Variants in FER1L5 observed in about 807,000 individuals in gnomAD.
FER1L5 encodes fer-1 like family member 5, also known as fer-1-like protein 5.
Under a neutral mutation model 279.9 loss-of-function variants are expected in FER1L5, and 187 were observed. The observed-to-expected ratio is 0.67, with a 90% CI of 0.59 to 0.75. The LOEUF is 0.75. Ranked by LOEUF, FER1L5 falls within the 30% of genes least tolerant of loss-of-function variation. The probability of loss-of-function intolerance (pLI) is 0.00; values close to 1 mark genes in which losing one functional copy is unlikely to be tolerated. For missense variants in FER1L5, 2,091 were observed against 2,594.4 expected, an observed-to-expected ratio of 0.81 and a Z score of 4.21; for synonymous variants, 921 against 989.7, an observed-to-expected ratio of 0.93 and a Z score of 1.30.
Position 96,691,775 on chromosome 2 carries a change from GA to G in FER1L5, c.3076-47del. The G allele has an allele frequency of 1.3e-6, 2 of 1,551,664 alleles. No homozygotes were observed. Among genetic ancestry groups the G allele is most frequent in the Non-Finnish European group, 1.7e-6 (2 of 1,146,986 alleles). On this transcript the variant is annotated intron_variant, in intron 29 of 52. Transcript: ENST00000624922. This position sits in a 1 kb window ranked among gnomAD's most constrained non-coding sequence, Gnocchi z 6.0. ...GAGGGTGACTGGGCCTGGGCTAGAG[GA>G]AACAGGAGCAGCACCCAAGAGCCTC... is the stretch of plus-strand genomic sequence containing the variant.
In FER1L5 at chr2:96,703,649, C is replaced by A. The variant is rs2077671977; in HGVS notation, c.5801+17C>A. Reference sequence around the variant, plus strand: ...TCCTCCCCTGTAAGGGTCCTTGGGGCAAAAGCACCAGATCTTTCTTGCTCC... The same window carrying A: ...TCCTCCCCTGTAAGGGTCCTTGGGGAAAAAGCACCAGATCTTTCTTGCTCC... On this transcript the variant is annotated intron_variant, in intron 51 of 52. Coordinates refer to ENST00000624922, the MANE Select transcript of FER1L5 (RefSeq NM_001293083.2). 1.2e-6 allele frequency: 2 copies of A among 1,609,786 alleles called. No homozygotes were observed. Among genetic ancestry groups the A allele is most frequent in the Non-Finnish European group, 1.7e-6 (2 of 1,176,198 alleles).
In FER1L5 at chr2:96,686,329, G is replaced by A. The variant is rs761833896; in HGVS notation, c.2208G>A (p.Lys736=). ...GALHSGRLCG[K]IQTLFLQYPE... ...TGCACTCCGGCAGGCTCTGTGGGAA[G>A]ATACAGACACTCTTCCTACAGGTGG... is the stretch of plus-strand genomic sequence containing the variant. Residue 736 remains lysine, a synonymous_variant, in exon 23 of 53, where the codon AAG becomes AAA. Coordinates refer to ENST00000624922, the MANE Select transcript of FER1L5 (RefSeq NM_001293083.2). The A allele has an allele frequency of 6.6e-5, 102 of 1,551,252 alleles. No individual in the cohort carries two copies. The highest frequency in any genetic ancestry group is 1.7e-4 in the Middle Eastern group (1 of 5,992).
intron 14 of FER1L5, among the ~76,000 whole-genome samples, chr2:96,664,146 A>AGAGAGAGGAAG (rs1267026261): frequency 1.3e-5 from 2 of 150,766 alleles, no homozygotes; most frequent in Admixed American, 1.3e-4. Flanking sequence ...AAAGAGAGAG[A>AGAGAGAGGAAG]GAGAGAGGAA....
In FER1L5 at chr2:96,673,088, C is replaced by T. The variant is rs1386263266; in HGVS notation, c.1503C>T (p.Asn501=). The T allele has an allele frequency of 2.6e-6, 4 of 1,551,256 alleles. No individual in the cohort carries two copies. Among genetic ancestry groups the T allele is most frequent in the Non-Finnish European group, 3.5e-6 (4 of 1,146,752 alleles). Residue 501 remains asparagine (N), a synonymous_variant, in exon 19 of 53, where the codon AAC becomes AAT. Transcript: ENST00000624922. Reference sequence around the variant, plus strand: ...GGTTATTGTTTCAGAAGCACCAGAACCGCCAAAAGTATGGGCTGTGCGTCA... The same window carrying T: ...GGTTATTGTTTCAGAAGCACCAGAATCGCCAAAAGTATGGGCTGTGCGTCA... ...HEVTRIEKHQ[N]RQKYGLCVIF...
At chr2:96,695,488 C>A in intron 34 of FER1L5, 21 bp from the exon 35 acceptor site, 1 of 1,565,608 alleles carries the variant, frequency 6.4e-7, no homozygotes, top group Non-Finnish European at 8.6e-7. Flanking sequence ...CTTGTCCTGC[C>A]CTCCTTCTTT....
chr2:96,681,275 G>A (rs4064942), intron 19 of FER1L5, among the ~76,000 whole-genome samples: 64 of 152,024 alleles, frequency 4.2e-4, no homozygotes, highest in East Asian at 1.5e-3. Flanking sequence ...TGAGCCCAGG[G>A]GTTTGAGGCT....
intron 9 of FER1L5, among the ~76,000 whole-genome samples, chr2:96,659,694 C>A (rs190681804): frequency 1.3e-5 from 2 of 148,924 alleles, no homozygotes; most frequent in Admixed American, 6.7e-5. Context: ...GGTTTCACTG[C>A]GTTAGCCAGG....
chr2:96,686,105 C>T lies in FER1L5; in HGVS notation c.2061C>T (p.Thr687=), dbSNP rs888852519. ...AGGACTGGCTGTACCGCCTCAACAC[C>T]GTGCTCCCTGAGGTGGGTGCTGCAC... is the stretch of plus-strand genomic sequence containing the variant. The part of the protein sequence containing the change: ...TAEDWLYRLN[T]VLPEPQMGLP... The change falls in exon 22 of 53, where the codon ACC becomes ACT. Residue 687 remains threonine, a synonymous_variant. Transcript: ENST00000624922. 2.7e-5 allele frequency: 42 copies of T among 1,550,622 alleles called. No individual in the cohort carries two copies. The highest frequency in any genetic ancestry group is 6.8e-5 in the African/African-American group (5 of 73,064).
At chr2:96,662,766 G>A (rs747990352) in intron 13 of FER1L5, among the ~76,000 whole-genome samples, 4 of 152,284 alleles carry the variant, frequency 2.6e-5, no homozygotes, top group Middle Eastern at 3.4e-3. Context: ...CAAGCAAGTC[G>A]TTAAATCCAG....
At chr2:96,681,659 C>T (rs1413302243) in intron 19 of FER1L5, among the ~76,000 whole-genome samples, 1 of 152,012 alleles carries the variant, frequency 6.6e-6, no homozygotes, top group African/African-American at 2.4e-5. Context: ...GTTCATAGAT[C>T]CAGATGACAT....
intron 19 of FER1L5, among the ~76,000 whole-genome samples, chr2:96,678,680 A>C (rs1370850331): frequency 6.6e-6 from 1 of 151,604 alleles, no homozygotes; most frequent in African/African-American, 2.4e-5. Flanking sequence ...CAATCCACCC[A>C]CCTTGGCCTC....
At chr2:96,659,309 C>T (rs1377473777) in intron 9 of FER1L5, among the ~76,000 whole-genome samples, 178 of 45,292 alleles carry the variant, frequency 3.9e-3, no homozygotes, top group African/African-American at 0.01. Flanking sequence ...TTCCTTCCTT[C>T]CTTCCTTCCT....
In FER1L5 at chr2:96,703,190, G is replaced by A. The variant is rs757299133; in HGVS notation, c.5535G>A (p.Pro1845=). The A allele has an allele frequency of 2.8e-5, 45 of 1,613,192 alleles. No homozygotes were observed. The Middle Eastern group carries it at 4.9e-4, about 18-fold the overall frequency. Residue 1845 remains proline (P), a synonymous_variant, in exon 50 of 53, where the codon CCG becomes CCA. Coordinates refer to ENST00000624922, the MANE Select transcript of FER1L5 (RefSeq NM_001293083.2). ...LELDLSDMPL[P]ARHAKQCSIR... is the part of the protein sequence containing the mutation. Reference sequence around the variant, plus strand: ...TGGATTTGTCTGACATGCCCCTCCCGGCTCGGCACGCCAAGCAGTGCTCCA... The same window carrying A: ...TGGATTTGTCTGACATGCCCCTCCCAGCTCGGCACGCCAAGCAGTGCTCCA...
intron 9 of FER1L5, among the ~76,000 whole-genome samples, chr2:96,657,137 C>T (rs899748118): frequency 2.6e-5 from 4 of 151,338 alleles, no homozygotes; most frequent in African/African-American, 7.3e-5. Flanking sequence ...TGCTGTGGCA[C>T]GATCTTGGCT....
rs150190472 is a variant in FER1L5, at chr2:96,647,054, C to G, written c.139-10C>G. On this transcript the variant is annotated splice_polypyrimidine_tract_variant and intron_variant, in intron 2 of 52. Coordinates refer to ENST00000624922, the MANE Select transcript of FER1L5 (RefSeq NM_001293083.2). ...GAGGGAGGATGCTGACCTCTCTATGCCCCCCACAGACCCTAATCTGGCACC... is the reference window on the plus strand; with the variant it reads ...GAGGGAGGATGCTGACCTCTCTATGGCCCCCACAGACCCTAATCTGGCACC... The G allele has an allele frequency of 3.2e-6, 5 of 1,550,996 alleles. No individual in the cohort carries two copies. The highest frequency in any genetic ancestry group is 2.7e-5 in the African/African-American group (2 of 72,986).
chr2:96,652,105 T>G (rs2075406727), intron 7 of FER1L5, 85 bp downstream of exon 7: 13 of 1,526,622 alleles, frequency 8.5e-6, no homozygotes, highest in Non-Finnish European at 1.2e-5. Context: ...GCTCCTTGAC[T>G]AGGGTGTCTT....
chr2:96,654,336 C>T, intron 8 of FER1L5, 110 bp from the exon 9 acceptor site: 1 of 395,252 alleles, frequency 2.5e-6, no homozygotes, highest in Non-Finnish European at 4.5e-6. Context: ...CATTAGGAAG[C>T]ATTCAATACG....
At chr2:96,665,561 G>A (rs1335654410) in intron 14 of FER1L5, among the ~76,000 whole-genome samples, 1 of 151,878 alleles carries the variant, frequency 6.6e-6, no homozygotes, top group African/African-American at 2.4e-5. Context: ...TCAGAGCCTT[G>A]GGAAATCTTC....
chr2:96,673,758 A>T (rs995157180), intron 19 of FER1L5, among the ~76,000 whole-genome samples: 6 of 152,198 alleles, frequency 3.9e-5, no homozygotes, highest in Non-Finnish European at 8.8e-5. Flanking sequence ...CAGCATCCGC[A>T]TCACCTGGAA....
Sources: gnomAD v4.1 joint callset for allele counts (sites outside exome capture counted in the v4.1 genomes callset) on GRCh38, gnomAD v4.1.1 for gene constraint, Gnocchi (gnomAD v3.1) non-coding constraint, MANE v1.5 for transcripts, NCBI Gene and HGNC (gene_info 2026-07-23, HGNC 2026-07-21) for gene names.